Variants in SLC12A3 observed in about 807,000 individuals in gnomAD.
The protein encoded by SLC12A3 is Na-Cl cotransporter.
SLC12A3 carries 104 observed loss-of-function variants against 121.0 expected under a neutral mutation model. The ratio of observed to expected loss-of-function variants is 0.86; its 90% CI spans 0.73 to 1.01. SLC12A3 has a LOEUF of 1.01. Among genes scored for constraint, SLC12A3 ranks in the 50% least tolerant of loss-of-function variants. The pLI, the probability that SLC12A3 is intolerant of heterozygous loss-of-function variation, is 0.00. For synonymous variants in SLC12A3, 536 were observed against 533.4 expected, an observed-to-expected ratio of 1.00 and a Z score of -0.07; for missense variants, 1,328 against 1,356.3, an observed-to-expected ratio of 0.98 and a Z score of 0.33.
chr16:56,892,222 A>G, intron 20 of SLC12A3, 89 bp downstream of exon 20: 1 of 1,175,542 alleles, frequency 8.5e-7, no homozygotes, highest in Non-Finnish European at 1.3e-6. Context: ...GGGGTGGGCC[A>G]CTTGGGAACT....
rs144501513 is a variant in SLC12A3 at position 56,867,020 on chromosome 16, G to A, written c.283-50G>A. The A allele has an allele frequency of 2.0e-4, 326 of 1,601,620 alleles. 1 individual carries two copies. In the African/African-American group the frequency reaches 3.1e-3, roughly 15 times the overall value. ...AGGTCAGTGGGCTGGATGCAGAGAC[G>A]CCGTCCCTAGCACCCCTACCTGCCT... On this transcript the variant is annotated intron_variant, in intron 1 of 25. Coordinates refer to ENST00000563236, the MANE Select transcript of SLC12A3 (RefSeq NM_001126108.2).
chr16:56,905,161 G>A (rs2055589699), intron 25 of SLC12A3, among the ~76,000 whole-genome samples: 1 of 151,986 alleles, frequency 6.6e-6, no homozygotes, highest in African/African-American at 2.4e-5. Context: ...CCAACATGGA[G>A]AAACCCCGTC....
chr16:56,887,195 CAGA>C (rs2055326349), intron 17 of SLC12A3, 102 bp downstream of exon 17: 2 of 1,473,916 alleles, frequency 1.4e-6, no homozygotes, highest in African/African-American at 2.8e-5. Flanking sequence ...CCTTTTGCTG[CAGA>C]AGGAGCCCCA....
chr16:56,888,548 A>ATTT (rs2055348810), intron 18 of SLC12A3, among the ~76,000 whole-genome samples: 1 of 100,702 alleles, frequency 9.9e-6, no homozygotes, highest in African/African-American at 3.5e-5. Context: ...CAGATCTTTT[A>ATTT]ATTTTTTTTT....
chr16:56,902,452 C>T lies in SLC12A3; in HGVS notation c.2800C>T (p.Arg934Trp), dbSNP rs201721269. 64 of 1,470,590 alleles carry T rather than the reference C, an allele frequency of 4.4e-5. No homozygotes were observed. Among genetic ancestry groups the T allele is most frequent in the South Asian group, 1.2e-4 (11 of 89,270 alleles). 91.1% of individuals were successfully genotyped at this position (1,470,590 alleles called of 1,614,324 possible). ...FKDEATVNEM[R>W]RDCPWKISDE... Reference sequence around the variant, plus strand: ...GGATGAGGCCACTGTCAACGAGATGCGGCGGGACTGCCCCTGGAAGATCTC... The same window carrying T: ...GGATGAGGCCACTGTCAACGAGATGTGGCGGGACTGCCCCTGGAAGATCTC... The change falls in exon 24 of 26, where the codon CGG becomes TGG. Residue 934 changes from arginine to tryptophan, a missense_variant. Coordinates refer to ENST00000563236, the MANE Select transcript of SLC12A3 (RefSeq NM_001126108.2).
chr16:56,886,938 C>T lies in SLC12A3; in HGVS notation c.2038-15C>T, dbSNP rs2055320474. 6.2e-7 allele frequency: 1 copy of T among 1,613,276 alleles called. No homozygotes were observed. Among genetic ancestry groups the T allele is most frequent in the Non-Finnish European group, 8.5e-7 (1 of 1,179,930 alleles). ...GAAGGCAGCTGGTGATGTCCCCTGC[C>T]CCTCCCACCCACAGGGACCCCACAA... On this transcript the variant is annotated splice_polypyrimidine_tract_variant and intron_variant, in intron 16 of 25. Transcript: ENST00000563236.
At chr16:56,874,293 G>T (rs2055139829) in intron 8 of SLC12A3, among the ~76,000 whole-genome samples, 1 of 152,212 alleles carries the variant, frequency 6.6e-6, no homozygotes. Flanking sequence ...GATGTTGGCA[G>T]GGGTTCCAGC....
At position 56,913,408 on chromosome 16, in the gene SLC12A3, C is replaced by A; in HGVS notation, c.*3C>A. 3 of 1,614,110 alleles carry A rather than the reference C, an allele frequency of 1.9e-6. No homozygotes were observed. The highest frequency in any genetic ancestry group is 2.5e-6 in the Non-Finnish European group (3 of 1,179,970). Reference sequence around the variant, plus strand: ...TGCTCACCTTTTACTGCCAGTAACTCCAGGCTTTGACATCCCTGTCCACAG... The same window carrying A: ...TGCTCACCTTTTACTGCCAGTAACTACAGGCTTTGACATCCCTGTCCACAG... On this transcript the variant is annotated 3_prime_UTR_variant, in exon 26 of 26. Transcript: ENST00000563236.
rs2055738260 is a variant in SLC12A3, at chr16:56,915,375, G to A, written c.*1970G>A. On this transcript the variant is annotated 3_prime_UTR_variant, in exon 26 of 26. Transcript: ENST00000563236. ...TTTCTGGAGTTACAACCCAAAGGAT[G>A]TTAGCATTTCTCAGGTCATCCCACT... The A allele has an allele frequency of 6.6e-6, 1 of 152,240 alleles. No individual in the cohort carries two copies. Among genetic ancestry groups the A allele is most frequent in the Non-Finnish European group, 1.5e-5 (1 of 68,044 alleles). 9.4% of individuals were successfully genotyped at this position (152,240 alleles called of 1,614,324 possible). A position where few individuals can be genotyped will look rare whatever the true frequency, so the allele number is the denominator to read the frequency against.
chr16:56,887,799 T>TATATA (rs1491296372), intron 17 of SLC12A3, 126 bp from the exon 18 acceptor site: 76 of 46,566 alleles, frequency 1.6e-3, no homozygotes, highest in African/African-American at 5.7e-3. Flanking sequence ...TATATATATA[T>TATATA]TTTTTTTTTT....
At chr16:56,886,522 T>C in intron 16 of SLC12A3, 47 bp downstream of exon 16, 1 of 1,523,574 alleles carries the variant, frequency 6.6e-7, no homozygotes, top group Non-Finnish European at 9.1e-7. Context: ...TGGTGGCTCA[T>C]GCCTGTAAAC....
rs546704829 is a variant in SLC12A3 at position 56,893,868 on chromosome 16, C to T, written c.2522-663C>T. On this transcript the variant is annotated intron_variant, in intron 21 of 25. Transcript: ENST00000563236. Reference sequence around the variant, plus strand: ...TGTCGGCTCACTGCAACCTCCGCCTCCTGGGTTCAAGCGATTCTCCTGCCT... The same window carrying T: ...TGTCGGCTCACTGCAACCTCCGCCTTCTGGGTTCAAGCGATTCTCCTGCCT... Among the ~76,000 whole-genome samples, 407 of 152,260 alleles carry T rather than the reference C, an allele frequency of 2.7e-3. 1 individual carries two copies. Among genetic ancestry groups the T allele is most frequent in the Middle Eastern group, 6.8e-3 (2 of 294 alleles).
chr16:56,912,863 C>T (rs2055704155), intron 25 of SLC12A3, among the ~76,000 whole-genome samples: 1 of 151,890 alleles, frequency 6.6e-6, no homozygotes, highest in South Asian at 2.1e-4. Context: ...AGGAAGTGAC[C>T]AGGTGCAGAG....
At chr16:56,890,158 C>T (rs1170745382) in intron 18 of SLC12A3, 116 bp from the exon 19 acceptor site, 3 of 793,660 alleles carry the variant, frequency 3.8e-6, no homozygotes, top group Admixed American at 3.6e-5. Context: ...GCCCAGAGAA[C>T]AGAAAGGGCG....
intron 25 of SLC12A3, chr16:56,906,857 G>T: frequency 1.6e-6 from 1 of 630,026 alleles, no homozygotes; most frequent in Non-Finnish European, 3.0e-6. Context: ...AGCAATGAAA[G>T]GAATGCAAGA....
chr16:56,888,055 C>A, intron 18 of SLC12A3, 24 bp downstream of exon 18: 4 of 1,559,242 alleles, frequency 2.6e-6, no homozygotes, highest in Non-Finnish European at 3.5e-6. Context: ...GAGGAAGGGG[C>A]TTGGGGTCTG....
intron 19 of SLC12A3, among the ~76,000 whole-genome samples, chr16:56,890,886 G>C (rs1401591450): frequency 4.3e-5 from 6 of 139,972 alleles, no homozygotes; most frequent in Non-Finnish European, 9.1e-5. Context: ...TGGGTGACAA[G>C]AGCAAGACTC....
At chr16:56,902,140 G>A (rs1303023745) in intron 23 of SLC12A3, 7 of 562,248 alleles carry the variant, frequency 1.2e-5, no homozygotes, top group East Asian at 3.2e-5. Flanking sequence ...CTGGATGGTC[G>A]GGTGGGTCAC....
At position 56,870,617 on chromosome 16, in the gene SLC12A3, C is replaced by T; in HGVS notation, c.742-9C>T. The T allele has an allele frequency of 6.3e-7, 1 of 1,575,612 alleles. No homozygotes were observed. The highest frequency in any genetic ancestry group is 8.7e-7 in the Non-Finnish European group (1 of 1,144,950). ...GTGGCTTGCAGCCTGGCCCATTTTC[C>T]CTCCCCAGGAGTATGGGGCACCCAT... On this transcript the variant is annotated splice_polypyrimidine_tract_variant and intron_variant, in intron 5 of 25. Transcript: ENST00000563236.
Sources: gnomAD v4.1 joint callset for allele counts (sites outside exome capture counted in the v4.1 genomes callset) on GRCh38, gnomAD v4.1.1 for gene constraint, MANE v1.5 for transcripts, NCBI Gene and HGNC (gene_info 2026-07-23, HGNC 2026-07-21) for gene names.